Variants in TBC1D5 observed in about 807,000 individuals in gnomAD.
The protein encoded by TBC1D5 is TBC1 domain family, member 5.
In TBC1D5, 75 loss-of-function variants were observed where a neutral mutation model predicts 100.3. The ratio of observed to expected loss-of-function variants is 0.75; its 90% confidence interval spans 0.62 to 0.91. The LOEUF (loss-of-function observed/expected upper bound fraction) is 0.91. TBC1D5 is among the 40% of genes least tolerant of loss of function. The probability of loss-of-function intolerance (pLI) is 0.00; values close to 1 mark genes in which losing one functional copy is unlikely to be tolerated. For synonymous variants in TBC1D5, 323 were observed against 325.6 expected, an observed-to-expected ratio of 0.99 and a Z score of 0.09; for missense variants, 910 against 942.4, an observed-to-expected ratio of 0.97 and a Z score of 0.45.
At chr3:17,681,242 A>G (rs576643721) in intron 1 of TBC1D5, among the ~76,000 whole-genome samples, 9 of 151,798 alleles carry the variant, frequency 5.9e-5, no homozygotes, top group Middle Eastern at 3.4e-3. Flanking sequence ...ATTTCTGAAC[A>G]AAGAAAAAGT....
intron 1 of TBC1D5, among the ~76,000 whole-genome samples, chr3:17,717,897 T>A (rs1025544430): frequency 6.6e-6 from 1 of 152,214 alleles, no homozygotes; most frequent in African/African-American, 2.4e-5. Flanking sequence ...AATTTTTTTT[T>A]ATGCTGACAG....
intron 15 of TBC1D5, among the ~76,000 whole-genome samples, chr3:17,268,166 G>A (rs1177500097): frequency 1.2e-4 from 18 of 151,882 alleles, no homozygotes; most frequent in Admixed American, 1.2e-3. Flanking sequence ...GACTCCATGT[G>A]TCATTTTAAA....
chr3:17,625,103 A>G (rs2062947087), intron 1 of TBC1D5, among the ~76,000 whole-genome samples: 1 of 152,102 alleles, frequency 6.6e-6, no homozygotes, highest in Admixed American at 6.5e-5. Flanking sequence ...AAGTCACACA[A>G]TAAAGACAAT....
chr3:17,506,806 T>A (rs1001133682), intron 3 of TBC1D5, among the ~76,000 whole-genome samples: 2 of 151,084 alleles, frequency 1.3e-5, no homozygotes, highest in African/African-American at 4.9e-5. Context: ...AAATAGACCA[T>A]ATAAAAATAC....
chr3:17,664,242 T>C (rs564072513), intron 1 of TBC1D5, among the ~76,000 whole-genome samples: 3 of 152,096 alleles, frequency 2.0e-5, no homozygotes, highest in African/African-American at 7.2e-5. Context: ...GCTAATCTTT[T>C]TGTATTTTTA....
Position 17,497,038 on chromosome 3 carries a change from GCT to G in TBC1D5, c.97+11434_97+11435del, listed in dbSNP as rs1383871582. Among the ~76,000 whole-genome samples, 12 of 150,806 alleles carry G rather than the reference GCT, an allele frequency of 8.0e-5. No homozygotes were observed. The East Asian group carries it at 1.6e-3, about 20-fold the overall frequency. On this transcript the variant is annotated intron_variant, in intron 3 of 21. Coordinates refer to ENST00000253692, the Ensembl canonical transcript of TBC1D5. ...TATTCATATAGTACTGCTTTTATGA[GCT>G]CTGTTTAGACAGATGCCTCTCTCTC...
intron 3 of TBC1D5, among the ~76,000 whole-genome samples, chr3:17,508,224 T>C (rs149440415): frequency 9.5e-4 from 145 of 152,342 alleles, no homozygotes; most frequent in Middle Eastern, 3.4e-3. Flanking sequence ...TTGTTCAGTT[T>C]ATTATTTTAT....
At chr3:17,298,757 T>TA (rs2082514186) in intron 14 of TBC1D5, among the ~76,000 whole-genome samples, 1 of 152,024 alleles carries the variant, frequency 6.6e-6, no homozygotes, top group African/African-American at 2.4e-5. Context: ...TGCATATTGC[T>TA]AAGGAAAAAA....
At chr3:17,666,162 C>T (rs2067233811) in intron 1 of TBC1D5, among the ~76,000 whole-genome samples, 1 of 152,072 alleles carries the variant, frequency 6.6e-6, no homozygotes, top group Non-Finnish European at 1.5e-5. Context: ...AAATTCATGG[C>T]AATTGTTTTT....
intron 9 of TBC1D5, among the ~76,000 whole-genome samples, chr3:17,378,656 C>G (rs1293718411): frequency 6.6e-6 from 1 of 151,674 alleles, no homozygotes; most frequent in Non-Finnish European, 1.5e-5. Context: ...ATATATCATA[C>G]TGACATTATA....
intron 17 of TBC1D5, among the ~76,000 whole-genome samples, chr3:17,216,221 T>C (rs1029067280): frequency 1.3e-5 from 2 of 152,094 alleles, no homozygotes; most frequent in African/African-American, 4.8e-5. Flanking sequence ...TATTAGATTG[T>C]TCAGGATCTG....
intron 1 of TBC1D5, among the ~76,000 whole-genome samples, chr3:17,675,406 C>T (rs181340865): frequency 1.1e-4 from 17 of 152,006 alleles, no homozygotes; most frequent in Admixed American, 1.3e-4. Context: ...TATACAGTTT[C>T]GAGATATTTC....
chr3:17,706,053 G>T, intron 1 of TBC1D5: 6 of 1,584,008 alleles, frequency 3.8e-6, no homozygotes, highest in Non-Finnish European at 5.1e-6. Flanking sequence ...TAAGGTGGGA[G>T]CCTACTGATT....
chr3:17,459,603 T>A (rs971643744), intron 3 of TBC1D5, among the ~76,000 whole-genome samples: 29 of 152,186 alleles, frequency 1.9e-4, no homozygotes, highest in African/African-American at 6.8e-4. Context: ...CATAGGTTAA[T>A]GGCTGGGTGA....
chr3:17,269,746 A>G (rs1331213007), intron 15 of TBC1D5, among the ~76,000 whole-genome samples: 1 of 151,026 alleles, frequency 6.6e-6, no homozygotes, highest in African/African-American at 2.4e-5. Context: ...AACATGTGAT[A>G]ATTTGGTTTT....
chr3:17,626,497 A>C (rs148498324), intron 1 of TBC1D5, among the ~76,000 whole-genome samples: 2 of 152,222 alleles, frequency 1.3e-5, no homozygotes, highest in Admixed American at 6.5e-5. Flanking sequence ...CCAGTCAGCA[A>C]CATAGGACTT....
intron 3 of TBC1D5, among the ~76,000 whole-genome samples, chr3:17,496,519 A>G (rs1244627261): frequency 1.3e-5 from 2 of 152,074 alleles, no homozygotes; most frequent in Admixed American, 6.6e-5. Context: ...TATATAAACT[A>G]TTAGTATATA....
At chr3:17,523,521 G>C (rs1468750291) in intron 2 of TBC1D5, among the ~76,000 whole-genome samples, 1 of 152,106 alleles carries the variant, frequency 6.6e-6, no homozygotes, top group Non-Finnish European at 1.5e-5. Flanking sequence ...TATTTCAACA[G>C]GCAGAGATGG....
chr3:17,214,302 C>T lies in TBC1D5; in HGVS notation c.1657G>A (p.Gly553Ser), dbSNP rs756678147. ...TTAGTAGCAGATGAAGGTGGAGAGC[C>T]AGTGAATTCTCTTCCTCCAGGCAAA... Residue 553 changes from glycine (G) to serine (S), a missense_variant, in exon 18 of 22, where the codon GGC becomes AGC. Coordinates refer to ENST00000253692, the Ensembl canonical transcript of TBC1D5. The T allele has an allele frequency of 1.1e-5, 17 of 1,612,966 alleles. 1 individual carries two copies. The South Asian group carries it at 1.8e-4, about 17-fold the overall frequency.
Sources: gnomAD v4.1 joint callset for allele counts (sites outside exome capture counted in the v4.1 genomes callset) on GRCh38, gnomAD v4.1.1 for gene constraint, MANE v1.5 for transcripts, NCBI Gene and HGNC (gene_info 2026-07-23, HGNC 2026-07-21) for gene names.